Variants in TACC2 observed in about 807,000 individuals in gnomAD.
TACC2 encodes the protein transforming acidic coiled-coil-containing protein 2.
A neutral mutation model predicts 227.3 loss-of-function variants in TACC2; 137 were observed. The observed-to-expected ratio is 0.60, with a 90% CI of 0.52 to 0.69. The LOEUF (loss-of-function observed/expected upper bound fraction) is 0.69. Among genes scored for constraint, TACC2 ranks in the 30% least tolerant of loss-of-function variants. TACC2 has a pLI of 0.00. For synonymous variants in TACC2, 1,523 were observed against 1,487.5 expected, an observed-to-expected ratio of 1.02 and a Z score of -0.55; for missense variants, 3,470 against 3,694.4, an observed-to-expected ratio of 0.94 and a Z score of 1.57.
intron 22 of TACC2, among the ~76,000 whole-genome samples, chr10:122,253,696 G>T (rs2096291292): frequency 6.6e-6 from 1 of 152,212 alleles, no homozygotes; most frequent in Admixed American, 6.5e-5. Context: ...CTCTGTGCTG[G>T]TCACTGCCAG....
At position 122,088,568 on chromosome 10, in the gene TACC2, C is replaced by T. The variant is rs1229299286; in HGVS notation, c.5550C>T (p.Thr1850=). 1 of 1,613,430 alleles carries T rather than the reference C, an allele frequency of 6.2e-7. No homozygotes were observed. The highest frequency in any genetic ancestry group is 1.3e-5 in the African/African-American group (1 of 74,864). The change falls in exon 5 of 23, where the codon ACC becomes ACT. Residue 1850 remains threonine (T), a synonymous_variant. Coordinates refer to ENST00000369005, the MANE Select transcript of TACC2 (RefSeq NM_206862.4). ...TGGATAAAGTCACTTCAGATGAGAC[C>T]AGAGGTGCGGAAGGAACAGAAAGGT... ...RVMDKVTSDE[T]RGAEGTESSP...
At chr10:122,060,695 A>C (rs1251134683) in intron 3 of TACC2, among the ~76,000 whole-genome samples, 3 of 152,146 alleles carry the variant, frequency 2.0e-5, no homozygotes, top group African/African-American at 4.8e-5. Flanking sequence ...TTGCTGATAG[A>C]CTGGCTTTAG....
chr10:122,090,030 G>C, intron 5 of TACC2, among the ~76,000 whole-genome samples: 1 of 152,036 alleles, frequency 6.6e-6, no homozygotes, highest in Non-Finnish European at 1.5e-5. Context: ...TGTCTAGCTT[G>C]GAAAAGTCTT....
chr10:122,153,321 A>G (rs924732213), intron 7 of TACC2, among the ~76,000 whole-genome samples: 1 of 152,174 alleles, frequency 6.6e-6, no homozygotes, highest in Non-Finnish European at 1.5e-5. Context: ...TAATGTGCAT[A>G]ACAGTCCTGT....
chr10:122,252,051 T>C (rs2096264200), intron 22 of TACC2, among the ~76,000 whole-genome samples: 1 of 152,238 alleles, frequency 6.6e-6, no homozygotes, highest in African/African-American at 2.4e-5. Context: ...CTCCATGAGC[T>C]GAGCTTTATG....
At chr10:122,231,695 G>T (rs564759990) in intron 16 of TACC2, among the ~76,000 whole-genome samples, 10 of 152,190 alleles carry the variant, frequency 6.6e-5, no homozygotes, top group Non-Finnish European at 1.3e-4. Flanking sequence ...GAGGCCCCTC[G>T]CTGGGTGTGG....
At chr10:122,005,207 G>A (rs551917516) in intron 1 of TACC2, among the ~76,000 whole-genome samples, 25 of 151,326 alleles carry the variant, frequency 1.7e-4, no homozygotes, top group South Asian at 8.4e-4. Context: ...TCAGCCTCCC[G>A]AGTAAGTGGG....
intron 2 of TACC2, among the ~76,000 whole-genome samples, chr10:122,044,876 C>T (rs1006454073): frequency 1.4e-4 from 22 of 152,126 alleles, no homozygotes; most frequent in African/African-American, 4.8e-4. Flanking sequence ...AGCAACTGGG[C>T]GAGTCCACGT....
At chr10:122,244,130 C>G (rs1232291979) in intron 19 of TACC2, among the ~76,000 whole-genome samples, 1 of 152,192 alleles carries the variant, frequency 6.6e-6, no homozygotes, top group African/African-American at 2.4e-5. Flanking sequence ...ACCTGCCTTC[C>G]TCTCATCCTG....
At position 122,088,484 on chromosome 10, in the gene TACC2, C is replaced by T; in HGVS notation, c.5466C>T (p.Ser1822=). The T allele has an allele frequency of 6.2e-7, 1 of 1,612,104 alleles. No homozygotes were observed. Among genetic ancestry groups the T allele is most frequent in the Middle Eastern group, 1.7e-4 (1 of 6,052 alleles). ...CTTTCTTTTATTATCCCAGAGAGAG[C>T]CCCAGGCCTGGCCCATCCATGTTAC... ...APEELHTDRE[S]PRPGPSMLPS... Residue 1822 remains serine (S), a synonymous_variant, in exon 5 of 23, where the codon AGC becomes AGT. Coordinates refer to ENST00000369005, the MANE Select transcript of TACC2 (RefSeq NM_206862.4).
Position 121,997,952 on chromosome 10 carries a change from A to C in TACC2, c.-46+8464A>C, listed in dbSNP as rs558121644. On this transcript the variant is annotated intron_variant, in intron 1 of 22. Transcript: ENST00000369005. ...TCCCATCCCACCCCCAAAGGCAGGC[A>C]CGAAGACCAAGACTTCAGGTGGTGG... is the stretch of plus-strand genomic sequence containing the variant. 2.0e-5 allele frequency among the ~76,000 whole-genome samples: 3 copies of C among 152,252 alleles called. No individual in the cohort carries two copies. The South Asian group carries it at 6.2e-4, about 32-fold the overall frequency.
At chr10:122,183,485 C>T (rs2094051133) in intron 7 of TACC2, among the ~76,000 whole-genome samples, 2 of 152,178 alleles carry the variant, frequency 1.3e-5, no homozygotes, top group African/African-American at 2.4e-5. Flanking sequence ...TCACTCCCTG[C>T]GGGTTCCAAG....
intron 18 of TACC2, chr10:122,241,653 C>A: frequency 2.3e-6 from 1 of 439,112 alleles, no homozygotes; most frequent in Non-Finnish European, 4.1e-6. Context: ...GTCTCAAAAT[C>A]CTAGCCTTAA....
chr10:122,172,242 G>A (rs148732977), intron 7 of TACC2, among the ~76,000 whole-genome samples: 14 of 152,336 alleles, frequency 9.2e-5, no homozygotes, highest in African/African-American at 2.9e-4. Flanking sequence ...TATTGGTCTA[G>A]GTTGAAGCTT....
intron 3 of TACC2, among the ~76,000 whole-genome samples, chr10:122,068,080 A>T (rs1055908725): frequency 6.6e-6 from 1 of 152,070 alleles, no homozygotes; most frequent in African/African-American, 2.4e-5. Flanking sequence ...GAAGTTCACT[A>T]ATCTTTTTCT....
chr10:121,995,496 G>A (rs1437488318), intron 1 of TACC2, among the ~76,000 whole-genome samples: 1 of 152,114 alleles, frequency 6.6e-6, no homozygotes, highest in Non-Finnish European at 1.5e-5. Context: ...GTGTATACAG[G>A]GGGCAAAACT....
At chr10:122,184,959 C>A (rs570404734) in intron 7 of TACC2, among the ~76,000 whole-genome samples, 12 of 151,452 alleles carry the variant, frequency 7.9e-5, no homozygotes, top group Non-Finnish European at 1.6e-4. Context: ...TTGGCCAGAG[C>A]TGACTGCTCT....
intron 11 of TACC2, among the ~76,000 whole-genome samples, chr10:122,222,875 T>TA (rs1350579734): frequency 1.3e-5 from 2 of 152,178 alleles, no homozygotes; most frequent in Non-Finnish European, 2.9e-5. Flanking sequence ...ATCGTAATGA[T>TA]ACCTTAGAAG....
At chr10:122,118,876 C>T (rs750083494) in intron 5 of TACC2, among the ~76,000 whole-genome samples, 1 of 152,152 alleles carries the variant, frequency 6.6e-6, no homozygotes, top group Non-Finnish European at 1.5e-5. Context: ...GATCTGGTGG[C>T]AGAGGCTATT....
Sources: allele counts gnomAD v4.1 joint callset (sites outside exome capture counted in the v4.1 genomes callset), GRCh38; gene constraint gnomAD v4.1.1; transcripts MANE v1.5; gene names NCBI Gene and HGNC (gene_info 2026-07-23, HGNC 2026-07-21).